Variants in UBE3C observed in about 807,000 individuals in gnomAD.
UBE3C encodes ubiquitin protein ligase E3C.
In UBE3C, 42 loss-of-function variants were observed where a neutral mutation model predicts 129.4. The observed-to-expected ratio is 0.32, with a 90% confidence interval of 0.25 to 0.42. The LOEUF (loss-of-function observed/expected upper bound fraction) is 0.42, where lower values mean the gene tolerates loss of function less well. UBE3C is among the 10% of genes least tolerant of loss of function. UBE3C has a pLI of 1.00. For missense variants in UBE3C, 1,049 were observed against 1,319.1 expected, an observed-to-expected ratio of 0.80 and a Z score of 3.17; for synonymous variants, 510 against 492.4, an observed-to-expected ratio of 1.04 and a Z score of -0.47.
At chr7:157,249,183 A>C (rs762547730) in intron 19 of UBE3C, among the ~76,000 whole-genome samples, 1 of 152,110 alleles carries the variant, frequency 6.6e-6, no homozygotes, top group African/African-American at 2.4e-5. Flanking sequence ...TCATCACCCT[A>C]GCCAATGTTA....
chr7:157,223,880 A>G (rs1795803132), intron 16 of UBE3C, among the ~76,000 whole-genome samples: 1 of 152,194 alleles, frequency 6.6e-6, no homozygotes, highest in Non-Finnish European at 1.5e-5. Context: ...AGATCGTGCC[A>G]GTACACTCCA....
At position 157,178,786 on chromosome 7, in the gene UBE3C, A is replaced by T; in HGVS notation, c.555A>T (p.Leu185Phe). 2 of 1,614,204 alleles carry T rather than the reference A, an allele frequency of 1.2e-6. No individual in the cohort carries two copies. Among genetic ancestry groups the T allele is most frequent in the Non-Finnish European group, 1.7e-6 (2 of 1,180,022 alleles). The change falls in exon 6 of 23, where the codon TTA becomes TTT. Residue 185 changes from leucine to phenylalanine, a missense_variant. Transcript: ENST00000348165. ...FSSENTYLPV[L>F]QDASYVVSVI... ...CTGAGAATACTTACTTGCCTGTTTT[A>T]CAAGATGCTAGCTATGTGGTGTCAG...
chr7:157,162,149 C>T (rs1808087768), intron 1 of UBE3C, among the ~76,000 whole-genome samples: 1 of 152,126 alleles, frequency 6.6e-6, no homozygotes, highest in Non-Finnish European at 1.5e-5. Flanking sequence ...GTTGGCTTAA[C>T]TACTCTCTGA....
rs1177378305 is a variant in UBE3C, at chr7:157,195,004, C to G, written c.1332-6717C>G. ...ATTCGTGGCCTATTCAAGGCAAAAGCCACTAAAACTAAGAGATTCACTGTC... is the reference window on the plus strand; with the variant it reads ...ATTCGTGGCCTATTCAAGGCAAAAGGCACTAAAACTAAGAGATTCACTGTC... On this transcript the variant is annotated intron_variant, in intron 10 of 22. Coordinates refer to ENST00000348165, the MANE Select transcript of UBE3C (RefSeq NM_014671.3). Among the ~76,000 whole-genome samples, 36 of 152,122 alleles carry G rather than the reference C, an allele frequency of 2.4e-4. 1 individual carries two copies. The highest frequency in any genetic ancestry group is 2.4e-3 in the Admixed American group (36 of 15,274).
intron 3 of UBE3C, among the ~76,000 whole-genome samples, 165 bp downstream of exon 3, chr7:157,169,287 GT>G (rs1288733514): frequency 6.6e-6 from 1 of 151,650 alleles, no homozygotes; most frequent in Admixed American, 6.6e-5. Flanking sequence ...AGATAGGTGA[GT>G]TTTTAGGTAA....
intron 15 of UBE3C, chr7:157,222,975 C>T: frequency 3.2e-6 from 1 of 316,966 alleles, no homozygotes; most frequent in East Asian, 7.6e-5. Context: ...CTAGGGCTAG[C>T]TGTGCACTTG....
At chr7:157,251,296 G>T (rs1485164401) in intron 19 of UBE3C, among the ~76,000 whole-genome samples, 1 of 152,050 alleles carries the variant, frequency 6.6e-6, no homozygotes, top group African/African-American at 2.4e-5. Context: ...TCTCAAATTT[G>T]TTTTTTTCAG....
At chr7:157,186,699 T>C (rs1191743589) in intron 9 of UBE3C, 135 bp from the exon 10 acceptor site, 17 of 967,160 alleles carry the variant, frequency 1.8e-5, no homozygotes, top group Non-Finnish European at 2.4e-5. Flanking sequence ...CTAAGTGTAC[T>C]GTGATGTAGA....
At chr7:157,205,612 T>G (rs1415883348) in intron 11 of UBE3C, among the ~76,000 whole-genome samples, 4 of 152,238 alleles carry the variant, frequency 2.6e-5, no homozygotes, top group Non-Finnish European at 5.9e-5. Context: ...TCATCCTGGC[T>G]TTGGCAATGA....
At chr7:157,168,240 A>G (rs1023230080) in intron 2 of UBE3C, among the ~76,000 whole-genome samples, 1 of 150,750 alleles carries the variant, frequency 6.6e-6, no homozygotes, top group Non-Finnish European at 1.5e-5. Context: ...AGTCCCAGCT[A>G]CTCGGGAGGC....
intron 22 of UBE3C, among the ~76,000 whole-genome samples, chr7:157,263,929 A>G (rs958522577): frequency 4.0e-5 from 6 of 151,882 alleles, no homozygotes; most frequent in African/African-American, 1.5e-4. Flanking sequence ...GTTAATGTAG[A>G]TATGCATAAT....
At chr7:157,182,049 A>G (rs1808678156) in intron 7 of UBE3C, 59 bp from the exon 8 acceptor site, 1 of 1,444,014 alleles carries the variant, frequency 6.9e-7, no homozygotes, top group Non-Finnish European at 9.3e-7. Context: ...GATTTTAATC[A>G]GTGATTGGAT....
rs535686857 is a variant in UBE3C, at chr7:157,246,051, A to G, written c.2482-2317A>G. Among the ~76,000 whole-genome samples, 27 of 152,176 alleles carry G rather than the reference A, an allele frequency of 1.8e-4. 1 individual carries two copies. In the South Asian group the frequency reaches 5.6e-3, roughly 32 times the overall value. On this transcript the variant is annotated intron_variant, in intron 18 of 22. Transcript: ENST00000348165. Reference sequence around the variant, plus strand: ...ACAATGTCTGTCATTTTCTGAAACAAAAAGCCAGTGGTACTCTAGATGTTT... The same window carrying G: ...ACAATGTCTGTCATTTTCTGAAACAGAAAGCCAGTGGTACTCTAGATGTTT...
chr7:157,230,975 C>G, intron 17 of UBE3C, 105 bp from the exon 18 acceptor site: 1 of 1,455,242 alleles, frequency 6.9e-7, no homozygotes, highest in Admixed American at 2.1e-5. Flanking sequence ...TTAAAATGTC[C>G]CTAAGATCCT....
chr7:157,239,620 TGGG>T (rs1796246493), intron 18 of UBE3C, among the ~76,000 whole-genome samples: 1 of 152,068 alleles, frequency 6.6e-6, no homozygotes, highest in Non-Finnish European at 1.5e-5. Context: ...GGAGAAGAAT[TGGG>T]GGACTGGTTA....
chr7:157,145,333 C>T (rs777011881), intron 1 of UBE3C, among the ~76,000 whole-genome samples: 22 of 151,964 alleles, frequency 1.4e-4, no homozygotes, highest in Non-Finnish European at 3.1e-4. Flanking sequence ...GCCTGGTCAA[C>T]ATGGTGATAC....
intron 1 of UBE3C, among the ~76,000 whole-genome samples, chr7:157,154,452 T>C (rs1807848214): frequency 6.6e-6 from 1 of 152,174 alleles, no homozygotes; most frequent in South Asian, 2.1e-4. Context: ...TGTCCTCCCC[T>C]CTCATTTTCA....
chr7:157,267,568 C>T lies in UBE3C; in HGVS notation c.3082-17C>T, dbSNP rs1350459695. ...ATGCTTGTTACAGTGACATCTTGCA[C>T]ACATGCTGTTTTTCAGGAGTTGTAT... is the stretch of plus-strand genomic sequence containing the variant. On this transcript the variant is annotated splice_polypyrimidine_tract_variant and intron_variant, in intron 22 of 22. Transcript: ENST00000348165. The T allele has an allele frequency of 1.2e-6, 2 of 1,612,338 alleles. No homozygotes were observed. The highest frequency in any genetic ancestry group is 1.7e-6 in the Non-Finnish European group (2 of 1,179,354).
intron 13 of UBE3C, 102 bp downstream of exon 13, chr7:157,208,037 A>G (rs1213074156): frequency 4.0e-6 from 1 of 249,310 alleles, no homozygotes; most frequent in East Asian, 9.4e-5. Flanking sequence ...TGTTTCAGAC[A>G]TGTTTTAATT....
Sources: gnomAD v4.1 joint callset for allele counts (sites outside exome capture counted in the v4.1 genomes callset) on GRCh38, gnomAD v4.1.1 for gene constraint, MANE v1.5 for transcripts, NCBI Gene and HGNC (gene_info 2026-07-23, HGNC 2026-07-21) for gene names.